DMD: variants seen among roughly 807,000 people sequenced by gnomAD.
DMD encodes dystrophin.
DMD carries 63 observed loss-of-function variants against 330.1 expected under a neutral mutation model. That is an observed-to-expected ratio of 0.19 (90% CI 0.16 to 0.24). DMD has a LOEUF of 0.24. Ranked by LOEUF, DMD falls within the 10% of genes least tolerant of loss-of-function variation. The probability of loss-of-function intolerance (pLI) is 1.00; values close to 1 mark genes in which losing one functional copy is unlikely to be tolerated. For missense variants in DMD, 3,344 were observed against 2,684.1 expected, an observed-to-expected ratio of 1.25 and a Z score of -5.43; for synonymous variants, 1,223 against 959.8, an observed-to-expected ratio of 1.27 and a Z score of -5.07.
At chrX:33,200,833 A>G (rs189441561) in intron 1 of DMD, among the ~76,000 whole-genome samples, 1 of 108,966 alleles carries the variant, frequency 9.2e-6, no homozygotes, top group Non-Finnish European at 1.9e-5. Flanking sequence ...AAATGTTAAA[A>G]TTTATATTAT....
chrX:32,357,658 G>GAT (rs2097808351), intron 37 of DMD, among the ~76,000 whole-genome samples: 1 of 48,424 alleles, frequency 2.1e-5, no homozygotes, highest in African/African-American at 1.3e-4. Context: ...TGCATACACA[G>GAT]ATACACACAC....
intron 15 of DMD, among the ~76,000 whole-genome samples, chrX:32,567,852 A>G (rs1295662137): frequency 8.9e-6 from 1 of 112,298 alleles, no homozygotes. Context: ...TCCTCCAGTT[A>G]TAGTGTCATT....
intron 44 of DMD, among the ~76,000 whole-genome samples, chrX:32,164,074 C>T (rs2096859311): frequency 9.0e-6 from 1 of 111,223 alleles, no homozygotes; most frequent in Non-Finnish European, 1.9e-5. Flanking sequence ...GAGTGTCATA[C>T]ATAAAATATC....
chrX:33,322,052 A>G lies in DMD; in HGVS notation c.7+17207T>C, dbSNP rs188501557. 3.3e-3 allele frequency among the ~76,000 whole-genome samples: 367 copies of G among 111,900 alleles called. 1 individual carries two copies. Among genetic ancestry groups the G allele is most frequent in the Non-Finnish European group, 5.0e-3 (268 of 53,168 alleles). On this transcript the variant is annotated intron_variant, in intron 1 of 17. Transcript: ENST00000288447. ...CTGGTTTGATCTGTCTAGACCATTTAAATTTTATCCATATCAGCAGTAAGA... is the reference window on the plus strand; with the variant it reads ...CTGGTTTGATCTGTCTAGACCATTTGAATTTTATCCATATCAGCAGTAAGA...
At chrX:31,689,762 C>T (rs1384797026) in intron 52 of DMD, among the ~76,000 whole-genome samples, 7 of 111,453 alleles carry the variant, frequency 6.3e-5, no homozygotes, top group African/African-American at 2.3e-4. Context: ...GTACTGGTAC[C>T]AAAACAGAGA....
intron 44 of DMD, among the ~76,000 whole-genome samples, chrX:32,201,556 G>C (rs1007946562): frequency 9.7e-6 from 1 of 103,454 alleles, no homozygotes; most frequent in African/African-American, 3.6e-5. Flanking sequence ...TAAATAAAGA[G>C]TAGACTTCTT....
intron 63 of DMD, among the ~76,000 whole-genome samples, chrX:31,248,462 A>T (rs967059865): frequency 8.9e-6 from 1 of 112,109 alleles, no homozygotes; most frequent in African/African-American, 3.2e-5. Flanking sequence ...CTTTAAGATC[A>T]GTTTCCTTTG....
chrX:32,303,819 A>G (rs2097531518), intron 42 of DMD, among the ~76,000 whole-genome samples: 1 of 110,443 alleles, frequency 9.1e-6, no homozygotes, highest in African/African-American at 3.3e-5. Flanking sequence ...AACACCCTAT[A>G]TAAATCTAAT....
intron 41 of DMD, among the ~76,000 whole-genome samples, chrX:32,311,095 G>A (rs1490473852): frequency 9.1e-6 from 1 of 110,302 alleles, no homozygotes; most frequent in Non-Finnish European, 1.9e-5. Flanking sequence ...TACTTGGCAG[G>A]CAAATTCAGA....
intron 34 of DMD, among the ~76,000 whole-genome samples, chrX:32,371,586 T>C (rs2097878265): frequency 9.0e-6 from 1 of 111,430 alleles, no homozygotes; most frequent in Non-Finnish European, 1.9e-5. Flanking sequence ...AATCAGAAAA[T>C]CATATAGATT....
intron 2 of DMD, among the ~76,000 whole-genome samples, chrX:33,001,506 C>T (rs1358373203): frequency 9.0e-6 from 1 of 111,429 alleles, no homozygotes. Context: ...AACCATCCTC[C>T]ATTTCCCATT....
intron 44 of DMD, among the ~76,000 whole-genome samples, chrX:32,052,952 T>A (rs1179211442): frequency 9.0e-6 from 1 of 111,380 alleles, no homozygotes; most frequent in Admixed American, 9.6e-5. Context: ...TGCCTCTTTC[T>A]TGATGAAAGA....
intron 44 of DMD, among the ~76,000 whole-genome samples, chrX:32,125,861 C>T (rs967395259): frequency 8.9e-6 from 1 of 111,910 alleles, no homozygotes; most frequent in African/African-American, 3.3e-5. Flanking sequence ...GTTTAATTCT[C>T]CACCTTTATC....
intron 62 of DMD, among the ~76,000 whole-genome samples, chrX:31,268,754 A>G (rs1433350730): frequency 8.9e-6 from 1 of 112,541 alleles, no homozygotes; most frequent in African/African-American, 3.2e-5. Context: ...CAGAAGCCTC[A>G]GAGCATGGAC....
At chrX:32,331,578 G>T (rs865940337) in intron 41 of DMD, among the ~76,000 whole-genome samples, 1 of 110,998 alleles carries the variant, frequency 9.0e-6, no homozygotes, top group Non-Finnish European at 1.9e-5. Context: ...ATATTACTAT[G>T]TTTTTTCTTA....
intron 7 of DMD, among the ~76,000 whole-genome samples, chrX:32,717,978 C>G (rs1259557531): frequency 1.8e-5 from 2 of 111,718 alleles, no homozygotes; most frequent in Non-Finnish European, 3.8e-5. Context: ...CTCATTGTAT[C>G]TTGGAAGTAA....
At chrX:31,241,539 A>G (rs928703082) in intron 63 of DMD, among the ~76,000 whole-genome samples, 1 of 111,601 alleles carries the variant, frequency 9.0e-6, no homozygotes, top group East Asian at 2.8e-4. Context: ...CTCAGTTTGC[A>G]ATTTCCTCTT....
At chrX:33,041,348 G>C in intron 1 of DMD, 1 of 1,163,659 alleles carries the variant, frequency 8.6e-7, no homozygotes, top group East Asian at 3.2e-5. Flanking sequence ...CGCCCTCCAC[G>C]GTTACCCCGG....
intron 9 of DMD, among the ~76,000 whole-genome samples, chrX:32,655,722 T>C (rs907822141): frequency 2.7e-5 from 3 of 111,659 alleles, no homozygotes; most frequent in Admixed American, 9.5e-5. Context: ...CTGATCTGTC[T>C]AATGTTGTCA....
Sources: gnomAD v4.1 joint callset for allele counts (sites outside exome capture counted in the v4.1 genomes callset) on GRCh38, gnomAD v4.1.1 for gene constraint, MANE v1.5 for transcripts, NCBI Gene and HGNC (gene_info 2026-07-23, HGNC 2026-07-21) for gene names.